Variants in CDC42SE2 observed in about 807,000 individuals in gnomAD.
CDC42SE2 encodes CDC42 small effector protein 2.
In CDC42SE2, 3 loss-of-function variants were observed where a neutral mutation model predicts 11.5. The observed-to-expected ratio is 0.26, with a 90% CI of 0.12 to 0.67. The LOEUF is 0.67. Among genes scored for constraint, CDC42SE2 ranks in the 30% least tolerant of loss-of-function variants. The pLI is 0.80. For missense variants in CDC42SE2, 82 were observed against 106.8 expected, an observed-to-expected ratio of 0.77 and a Z score of 1.02; for synonymous variants, 33 against 34.8, an observed-to-expected ratio of 0.95 and a Z score of 0.18.
intron 3 of CDC42SE2, among the ~76,000 whole-genome samples, chr5:131,381,771 G>A: frequency 6.6e-6 from 1 of 152,156 alleles, no homozygotes; most frequent in Non-Finnish European, 1.5e-5. Flanking sequence ...AGCTATTGTG[G>A]AATAGTCTTC....
At chr5:131,323,827 A>G (rs1758244932) in intron 2 of CDC42SE2, among the ~76,000 whole-genome samples, 1 of 152,106 alleles carries the variant, frequency 6.6e-6, no homozygotes, top group Admixed American at 6.5e-5. Context: ...TGGTCTTGAC[A>G]GTTGTGTGTT....
chr5:131,369,920 G>A (rs577341555), intron 3 of CDC42SE2, among the ~76,000 whole-genome samples: 2 of 152,276 alleles, frequency 1.3e-5, no homozygotes, highest in African/African-American at 4.8e-5. Flanking sequence ...TTCAAGTATG[G>A]TTAAGCACTA....
intron 2 of CDC42SE2, among the ~76,000 whole-genome samples, chr5:131,337,478 C>T (rs541514210): frequency 6.6e-6 from 1 of 152,274 alleles, no homozygotes; most frequent in Non-Finnish European, 1.5e-5. Flanking sequence ...CTGGGAAAAC[C>T]ACTACTCTCT....
upstream of CDC42SE2, among the ~76,000 whole-genome samples, chr5:131,262,656 A>C (rs1756755891): frequency 6.6e-6 from 1 of 152,200 alleles, no homozygotes; most frequent in Non-Finnish European, 1.5e-5. Context: ...TCAGGTCTCT[A>C]ATATAAAATG....
At chr5:131,316,954 C>G (rs999458157) in intron 2 of CDC42SE2, among the ~76,000 whole-genome samples, 1 of 152,046 alleles carries the variant, frequency 6.6e-6, no homozygotes, top group African/African-American at 2.4e-5. Context: ...TCTTTGTAGC[C>G]CCTTACAAGC....
intron 1 of CDC42SE2, among the ~76,000 whole-genome samples, chr5:131,288,077 C>T (rs1757378511): frequency 6.6e-6 from 1 of 151,900 alleles, no homozygotes; most frequent in African/African-American, 2.4e-5. Context: ...GACTCTATCT[C>T]TATCAAAAAA....
chr5:131,374,172 A>G lies in CDC42SE2; in HGVS notation c.55-11371A>G, dbSNP rs150600085. ...CTCTTGGTTGAATGAAAAAGAACCC[A>G]TACTACTGAGTGAAATTTCAGACTA... On this transcript the variant is annotated intron_variant, in intron 3 of 4. Transcript: ENST00000505065. Among the ~76,000 whole-genome samples, 531 of 152,338 alleles carry G rather than the reference A, an allele frequency of 3.5e-3. 4 individuals are homozygous for G. The highest frequency in any genetic ancestry group is 0.012 in the African/African-American group (517 of 41,578).
intron 1 of CDC42SE2, among the ~76,000 whole-genome samples, chr5:131,282,721 C>T (rs1014623179): frequency 8.6e-5 from 13 of 151,908 alleles, no homozygotes; most frequent in Non-Finnish European, 8.8e-5. Context: ...CTCCGCCTCC[C>T]GGGTTCATGC....
intron 2 of CDC42SE2, among the ~76,000 whole-genome samples, chr5:131,340,926 C>T (rs1052859140): frequency 6.6e-5 from 10 of 152,076 alleles, no homozygotes; most frequent in East Asian, 3.9e-4. Context: ...ATCTGCCTGC[C>T]GTAGCCTCCC....
rs745628405 is a variant in CDC42SE2, at chr5:131,359,242, A to G, written c.-252A>G. The G allele has an allele frequency of 9.6e-6, 5 of 520,536 alleles. No homozygotes were observed. Among genetic ancestry groups the G allele is most frequent in the East Asian group, 3.3e-5 (1 of 30,682 alleles). The allele number at this position is 520,536 out of a possible 1,614,324, so 32.2% of individuals were successfully genotyped here. The stretch of plus-strand genomic sequence containing the variant: ...TTATAGTCCCTGGGTCAAGACAACA[A>G]TTTTTATACCTTCGTCGTGGTTCAG... On this transcript the variant is annotated 5_prime_UTR_variant, in exon 3 of 5. Transcript: ENST00000505065.
At chr5:131,293,175 G>T (rs762837559) in intron 1 of CDC42SE2, among the ~76,000 whole-genome samples, 1 of 151,998 alleles carries the variant, frequency 6.6e-6, no homozygotes, top group Non-Finnish European at 1.5e-5. Context: ...GAGATGATTA[G>T]GCCCTCATGA....
At chr5:131,329,904 A>G (rs112053778) in intron 2 of CDC42SE2, among the ~76,000 whole-genome samples, 3 of 72,568 alleles carry the variant, frequency 4.1e-5, no homozygotes, top group Admixed American at 1.7e-4. Context: ...AAAAAAAAAA[A>G]AAAAAAAAAA....
At chr5:131,217,643 CT>C in the CDC42SE2 span, among the ~76,000 whole-genome samples, 1 of 152,080 alleles carries the variant, frequency 6.6e-6, no homozygotes, top group African/African-American at 2.4e-5. Context: ...GGGAAAATAT[CT>C]TCATGACTTT....
At chr5:131,273,788 T>G (rs1254277743) in intron 1 of CDC42SE2, among the ~76,000 whole-genome samples, 2 of 151,828 alleles carry the variant, frequency 1.3e-5, no homozygotes, top group Non-Finnish European at 2.9e-5. Context: ...AAAAAAGTTT[T>G]TTTTTCTTGA....
At chr5:131,343,381 C>A (rs780300062) in intron 2 of CDC42SE2, among the ~76,000 whole-genome samples, 1 of 152,088 alleles carries the variant, frequency 6.6e-6, no homozygotes, top group Non-Finnish European at 1.5e-5. Flanking sequence ...ATTTCTAACT[C>A]TAGGGAGCTA....
At chr5:131,289,925 C>G (rs932455739) in intron 1 of CDC42SE2, among the ~76,000 whole-genome samples, 1 of 152,082 alleles carries the variant, frequency 6.6e-6, no homozygotes, top group Non-Finnish European at 1.5e-5. Context: ...CTACTGCAGC[C>G]TCAAACTCCT....
intron 2 of CDC42SE2, among the ~76,000 whole-genome samples, chr5:131,355,888 A>G (rs187529992): frequency 1.6e-4 from 24 of 152,280 alleles, no homozygotes; most frequent in African/African-American, 5.8e-4. Context: ...TATCTGTAGC[A>G]TTTGATTTAG....
chr5:131,278,718 T>TC (rs1333170511), intron 1 of CDC42SE2, among the ~76,000 whole-genome samples: 3 of 32,876 alleles, frequency 9.1e-5, no homozygotes, highest in Admixed American at 3.1e-4. Flanking sequence ...TCCTCTCCCC[T>TC]CCCCTCCCCC....
chr5:131,268,849 C>G (rs1449618563), intron 1 of CDC42SE2, among the ~76,000 whole-genome samples: 1 of 141,714 alleles, frequency 7.1e-6, no homozygotes, highest in Non-Finnish European at 1.5e-5. Context: ...CTCCTGAGTT[C>G]AAGCAACTGT....
Sources: gnomAD v4.1 joint callset for allele counts (sites outside exome capture counted in the v4.1 genomes callset) on GRCh38, gnomAD v4.1.1 for gene constraint, MANE v1.5 for transcripts, NCBI Gene and HGNC (gene_info 2026-07-23, HGNC 2026-07-21) for gene names.